Variants in DGKG observed in about 807,000 individuals in gnomAD.
DGKG encodes diacylglycerol kinase gamma.
Under a neutral mutation model 105.3 loss-of-function variants are expected in DGKG, and 78 were observed. The ratio of observed to expected loss-of-function variants is 0.74; its 90% confidence interval spans 0.62 to 0.89. The LOEUF is 0.89. DGKG is among the 40% of genes least tolerant of loss of function. DGKG has a pLI of 0.00. For missense variants in DGKG, 958 were observed against 1,020.1 expected (o/e 0.94, Z 0.83); for synonymous variants, 346 against 367.1 (o/e 0.94, Z 0.66).
rs561006922 is a variant in DGKG at position 186,252,756 on chromosome 3, G to A, written c.1600+337C>T. ...CATCTAAGTGAGCACCTTCTTGGAT[G>A]GGACTCTGGGGATGGGACATATGAG... On this transcript the variant is annotated intron_variant, in intron 18 of 24. Transcript: ENST00000265022. 2.9e-4 allele frequency among the ~76,000 whole-genome samples: 44 copies of A among 152,300 alleles called. No individual in the cohort carries two copies. The South Asian group carries it at 8.7e-3, about 30-fold the overall frequency.
chr3:186,178,510 A>G (rs1381893883), intron 22 of DGKG, among the ~76,000 whole-genome samples: 2 of 152,198 alleles, frequency 1.3e-5, no homozygotes, highest in Non-Finnish European at 2.9e-5. Flanking sequence ...CTGTGGTTCT[A>G]TTTTGAGCAG....
At chr3:186,229,351 ATG>A (rs1486410384) in intron 20 of DGKG, among the ~76,000 whole-genome samples, 18 of 151,336 alleles carry the variant, frequency 1.2e-4, no homozygotes, top group Middle Eastern at 3.4e-3. Context: ...AGTGATTCGC[ATG>A]CCTCAGCCTC....
intron 2 of DGKG, among the ~76,000 whole-genome samples, chr3:186,320,045 T>C (rs888710723): frequency 1.3e-5 from 2 of 152,126 alleles, no homozygotes; most frequent in African/African-American, 4.8e-5. Context: ...AGGCGGAAAA[T>C]GCAGGCTTAA....
intron 1 of DGKG, among the ~76,000 whole-genome samples, chr3:186,326,348 G>A (rs1042392916): frequency 5.3e-5 from 8 of 151,566 alleles, no homozygotes; most frequent in South Asian, 4.2e-4. Flanking sequence ...GCAGCGAGCC[G>A]AGATCCTGCC....
intron 5 of DGKG, among the ~76,000 whole-genome samples, chr3:186,293,687 C>G (rs772144439): frequency 6.6e-6 from 1 of 152,224 alleles, no homozygotes. Context: ...GGAGACTGAT[C>G]TGATAGGCCT....
chr3:186,326,163 G>A (rs1725331753), intron 1 of DGKG, among the ~76,000 whole-genome samples: 1 of 152,112 alleles, frequency 6.6e-6, no homozygotes, highest in Non-Finnish European at 1.5e-5. Flanking sequence ...AGGCCGAGGC[G>A]GAAGGATCAC....
intron 21 of DGKG, among the ~76,000 whole-genome samples, chr3:186,191,571 T>C (rs1318901559): frequency 6.6e-6 from 1 of 152,248 alleles, no homozygotes; most frequent in Non-Finnish European, 1.5e-5. Context: ...GCATCTTTTC[T>C]TCCATTTTTA....
At chr3:186,163,797 G>A (rs1288055377) in intron 23 of DGKG, among the ~76,000 whole-genome samples, 2 of 152,110 alleles carry the variant, frequency 1.3e-5, no homozygotes, top group African/African-American at 2.4e-5. Flanking sequence ...GTCTTCATAA[G>A]TTATGGCTTA....
At chr3:186,204,739 G>T (rs1718636133) in intron 21 of DGKG, among the ~76,000 whole-genome samples, 1 of 152,068 alleles carries the variant, frequency 6.6e-6, no homozygotes, top group Non-Finnish European at 1.5e-5. Flanking sequence ...ATGTTGCATT[G>T]CACCTCTATG....
At chr3:186,271,138 C>G (rs1722298216) in intron 11 of DGKG, among the ~76,000 whole-genome samples, 1 of 152,204 alleles carries the variant, frequency 6.6e-6, no homozygotes. Flanking sequence ...TCTCCTGACT[C>G]ACACTCCTCC....
chr3:186,309,310 A>G (rs1198022908), intron 2 of DGKG, among the ~76,000 whole-genome samples: 1 of 152,236 alleles, frequency 6.6e-6, no homozygotes, highest in Non-Finnish European at 1.5e-5. Flanking sequence ...GATGGGCACC[A>G]TAAAACGTTT....
chr3:186,158,768 T>C (rs1054029729), intron 24 of DGKG: 2 of 942,780 alleles, frequency 2.1e-6, no homozygotes, highest in African/African-American at 1.8e-5. Flanking sequence ...AGAATATGTA[T>C]TGATAGTTTT....
intron 19 of DGKG, among the ~76,000 whole-genome samples, chr3:186,244,236 C>G (rs1720829451): frequency 6.6e-6 from 1 of 152,010 alleles, no homozygotes; most frequent in South Asian, 2.1e-4. Context: ...TATGAAGAAG[C>G]TTTTTGAGCA....
Position 186,212,133 on chromosome 3 carries a change from G to A in DGKG, c.1827-248C>T, listed in dbSNP as rs528230251. Among the ~76,000 whole-genome samples, 4 of 152,300 alleles carry A rather than the reference G, an allele frequency of 2.6e-5. No homozygotes were observed. In the South Asian group the frequency reaches 6.2e-4, roughly 24 times the overall value. On this transcript the variant is annotated intron_variant, in intron 20 of 24. Transcript: ENST00000265022. Reference sequence around the variant, plus strand: ...CTGGGTGAACTACCAACTGCTCCCCGAGTTTCCTGGTCAGAACAGGAAGAA... The same window carrying A: ...CTGGGTGAACTACCAACTGCTCCCCAAGTTTCCTGGTCAGAACAGGAAGAA...
intron 1 of DGKG, among the ~76,000 whole-genome samples, chr3:186,354,183 C>A (rs1320236465): frequency 6.6e-6 from 1 of 152,138 alleles, no homozygotes; most frequent in Non-Finnish European, 1.5e-5. Context: ...CTGGAAAGAG[C>A]TTTCTCTAGC....
Position 186,222,283 on chromosome 3 carries a change from T to C in DGKG, c.1827-10398A>G, listed in dbSNP as rs113056855. ...ACATTTCCCCATAGAAACAATGTGA[T>C]GTTGAGGTTGGGTTCCCAGGCTAAC... is the stretch of plus-strand genomic sequence containing the variant. On this transcript the variant is annotated intron_variant, in intron 20 of 24. Transcript: ENST00000265022. 7.5e-3 allele frequency among the ~76,000 whole-genome samples: 1,135 copies of C among 152,314 alleles called. 18 individuals carry two copies. The highest frequency in any genetic ancestry group is 0.025 in the African/African-American group (1,058 of 41,564).
At chr3:186,152,947 C>A (rs1473176976) in intron 24 of DGKG, among the ~76,000 whole-genome samples, 2 of 145,508 alleles carry the variant, frequency 1.4e-5, no homozygotes, top group Non-Finnish European at 3.0e-5. Context: ...CAGGCACCAG[C>A]TGCCGCGCCC....
At position 186,210,248 on chromosome 3, in the gene DGKG, C is replaced by A. The variant is rs969703889; in HGVS notation, c.1917+1547G>T. Among the ~76,000 whole-genome samples, 1 of 152,194 alleles carries A rather than the reference C, an allele frequency of 6.6e-6. No homozygotes were observed. Among genetic ancestry groups the A allele is most frequent in the Non-Finnish European group, 1.5e-5 (1 of 68,034 alleles). On this transcript the variant is annotated intron_variant, in intron 21 of 24. Coordinates refer to ENST00000265022, the MANE Select transcript of DGKG (RefSeq NM_001346.3). This position sits in a 1 kb window ranked among gnomAD's most constrained non-coding sequence, Gnocchi z 5.2. ...GTGGTTAGGCCAGGGCTGTCCCTCA[C>A]TTGTGGTATATTTAAAGAGACCTCA...
intron 5 of DGKG, among the ~76,000 whole-genome samples, chr3:186,295,027 T>C (rs1404041200): frequency 6.6e-6 from 1 of 152,174 alleles, no homozygotes; most frequent in Non-Finnish European, 1.5e-5. Context: ...TCATGACCTG[T>C]TTATCTCACC....
Sources: allele counts gnomAD v4.1 joint callset (sites outside exome capture counted in the v4.1 genomes callset), GRCh38; gene constraint gnomAD v4.1.1; non-coding constraint Gnocchi (gnomAD v3.1); transcripts MANE v1.5; gene names NCBI Gene and HGNC (gene_info 2026-07-23, HGNC 2026-07-21).